Variants in FER1L6 observed in about 807,000 individuals in gnomAD.
FER1L6 encodes fer-1-like protein 6.
A neutral mutation model predicts 219.2 loss-of-function variants in FER1L6; 177 were observed. That is an observed-to-expected ratio of 0.81 (90% CI 0.71 to 0.91). FER1L6 has a LOEUF of 0.91. Ranked by LOEUF, FER1L6 falls within the 40% of genes least tolerant of loss-of-function variation. The probability of loss-of-function intolerance (pLI) is 0.00; values close to 1 mark genes in which losing one functional copy is unlikely to be tolerated. For synonymous variants in FER1L6, 768 were observed against 824.3 expected, an observed-to-expected ratio of 0.93 and a Z score of 1.17; for missense variants, 2,153 against 2,259.9, an observed-to-expected ratio of 0.95 and a Z score of 0.96.
chr8:124,011,873 C>T (rs543750393), intron 14 of FER1L6, among the ~76,000 whole-genome samples: 1 of 152,280 alleles, frequency 6.6e-6, no homozygotes, highest in Admixed American at 6.5e-5. Flanking sequence ...GCCACTGTTT[C>T]TATAGCATTT....
At position 123,975,242 on chromosome 8, in the gene FER1L6, A is replaced by G; in HGVS notation, c.619A>G (p.Met207Val). The change falls in exon 8 of 41, where the codon ATG becomes GTG. Residue 207 changes from methionine (M) to valine (V), a missense_variant. Coordinates refer to ENST00000522917, the MANE Select transcript of FER1L6 (RefSeq NM_001039112.2). ...GTACCTGAAATGTGACATCAGTGTC[A>G]TGGGAAAAGGTGATGTCTTGAAGAC... is the stretch of plus-strand genomic sequence containing the variant. ...KGYLKCDISV[M>V]GKGDVLKTSP... 1.9e-6 allele frequency: 3 copies of G among 1,613,506 alleles called. 1 individual carries two copies. In the South Asian group the frequency reaches 3.3e-5, roughly 18 times the overall value.
At chr8:124,033,124 T>C (rs1282862436) in intron 18 of FER1L6, among the ~76,000 whole-genome samples, 1 of 152,214 alleles carries the variant, frequency 6.6e-6, no homozygotes, top group Non-Finnish European at 1.5e-5. Context: ...GCTCAACATG[T>C]GTTAAATATT....
chr8:123,963,250 G>A (rs746923045), intron 2 of FER1L6, 28 bp from the exon 3 acceptor site: 2 of 1,612,968 alleles, frequency 1.2e-6, no homozygotes, highest in Admixed American at 3.3e-5. Context: ...AATTTCACAG[G>A]ATTTTCTTCC....
chr8:124,069,350 A>G lies in FER1L6; in HGVS notation c.3719-10A>G, dbSNP rs1820967169. 1 of 1,598,628 alleles carries G rather than the reference A, an allele frequency of 6.3e-7. No individual in the cohort carries two copies. On this transcript the variant is annotated splice_polypyrimidine_tract_variant and intron_variant, in intron 28 of 40. Transcript: ENST00000522917. The stretch of plus-strand genomic sequence containing the variant: ...CCATGAGAAACCTAATTTCTGCTGA[A>G]TATCCACAGAGGCAAAGCCAGATGA...
intron 8 of FER1L6, 108 bp from the exon 9 acceptor site, chr8:123,975,790 A>G: frequency 1.2e-6 from 1 of 865,672 alleles, no homozygotes; most frequent in Non-Finnish European, 1.8e-6. Flanking sequence ...CTCTTTTCAG[A>G]TTTGTCTTAT....
At chr8:123,942,972 G>A (rs1158582514) in intron 1 of FER1L6, among the ~76,000 whole-genome samples, 1 of 152,152 alleles carries the variant, frequency 6.6e-6, no homozygotes, top group Non-Finnish European at 1.5e-5. Flanking sequence ...CCATAGAGTG[G>A]AGGCAGCAGG....
At chr8:124,059,881 T>C (rs946744077) in intron 22 of FER1L6, among the ~76,000 whole-genome samples, 6 of 152,202 alleles carry the variant, frequency 3.9e-5, no homozygotes, top group African/African-American at 1.2e-4. Flanking sequence ...TTTTATTAAG[T>C]TGTAAAGACC....
intron 6 of FER1L6, among the ~76,000 whole-genome samples, 192 bp from the exon 7 acceptor site, chr8:123,973,242 T>G (rs955654196): frequency 3.3e-5 from 5 of 152,180 alleles, no homozygotes; most frequent in Non-Finnish European, 7.3e-5. Flanking sequence ...GGCATCCTTC[T>G]ATGGAAGATT....
intron 34 of FER1L6, among the ~76,000 whole-genome samples, chr8:124,094,021 G>GT (rs1822168032): frequency 6.6e-6 from 1 of 151,916 alleles, no homozygotes; most frequent in Non-Finnish European, 1.5e-5. Flanking sequence ...TGTTTTGCGC[G>GT]TATCATTTCC....
At chr8:123,874,574 C>G (rs942851284) in intron 1 of FER1L6, among the ~76,000 whole-genome samples, 4 of 152,198 alleles carry the variant, frequency 2.6e-5, no homozygotes, top group African/African-American at 9.6e-5. Context: ...AATACATCTA[C>G]TGATACAACT....
At chr8:124,022,675 C>T (rs1041342026) in intron 17 of FER1L6, among the ~76,000 whole-genome samples, 1 of 152,166 alleles carries the variant, frequency 6.6e-6, no homozygotes, top group Non-Finnish European at 1.5e-5. Context: ...CATTCAAAGA[C>T]ATTCATAGAT....
chr8:123,982,968 G>T (rs1449741647), intron 11 of FER1L6, among the ~76,000 whole-genome samples: 1 of 152,164 alleles, frequency 6.6e-6, no homozygotes. Context: ...GTCACACAAT[G>T]ACATATCTGC....
chr8:124,015,607 A>ATATATATG (rs58755373), intron 15 of FER1L6, among the ~76,000 whole-genome samples: 5,125 of 88,374 alleles, frequency 0.058, 363 homozygotes, highest in Middle Eastern at 0.094. Context: ...ATATATATAT[A>ATATATATG]TATATATATT....
At chr8:123,937,149 C>T (rs1003551932) in intron 1 of FER1L6, among the ~76,000 whole-genome samples, 3 of 152,114 alleles carry the variant, frequency 2.0e-5, no homozygotes, top group African/African-American at 4.8e-5. Flanking sequence ...TAAGGTGGTC[C>T]GTCCACCTCG....
chr8:124,000,347 A>G (rs1246396824), intron 12 of FER1L6, among the ~76,000 whole-genome samples: 1 of 152,214 alleles, frequency 6.6e-6, no homozygotes, highest in Non-Finnish European at 1.5e-5. Flanking sequence ...AGGTACTGTG[A>G]TCACTCACCT....
At chr8:124,064,643 G>A in intron 26 of FER1L6, 70 bp downstream of exon 26, 1 of 1,408,864 alleles carries the variant, frequency 7.1e-7, no homozygotes, top group South Asian at 1.3e-5. Context: ...CAGACAATAT[G>A]AAGTTGCTTG....
At chr8:123,970,163 C>A in intron 6 of FER1L6, 66 bp downstream of exon 6, 1 of 1,385,874 alleles carries the variant, frequency 7.2e-7, no homozygotes, top group Non-Finnish European at 1.0e-6. Flanking sequence ...TGGGGACTCT[C>A]TGGGACAACT....
chr8:123,978,199 A>G (rs1816178084), intron 10 of FER1L6, among the ~76,000 whole-genome samples: 1 of 152,226 alleles, frequency 6.6e-6, no homozygotes, highest in Admixed American at 6.5e-5. Context: ...TTGAAAAATG[A>G]GACATTTAGA....
intron 18 of FER1L6, among the ~76,000 whole-genome samples, chr8:124,033,944 G>T (rs1420504222): frequency 6.6e-6 from 1 of 152,168 alleles, no homozygotes; most frequent in African/African-American, 2.4e-5. Flanking sequence ...CACTCCCTCA[G>T]CAAGGGCCTA....
Sources: gnomAD v4.1 joint callset for allele counts (sites outside exome capture counted in the v4.1 genomes callset) on GRCh38, gnomAD v4.1.1 for gene constraint, MANE v1.5 for transcripts, NCBI Gene and HGNC (gene_info 2026-07-23, HGNC 2026-07-21) for gene names.